PDSS2: variants seen among roughly 807,000 people sequenced by gnomAD.
PDSS2 encodes the protein all trans-polyprenyl-diphosphate synthase PDSS2.
In PDSS2, 31 loss-of-function variants were observed where a neutral mutation model predicts 44.5. The ratio of observed to expected loss-of-function variants is 0.70; its 90% CI spans 0.52 to 0.94. PDSS2 has a LOEUF of 0.94. Among genes scored for constraint, PDSS2 ranks in the 40% least tolerant of loss-of-function variants. The pLI, the probability that PDSS2 is intolerant of heterozygous loss-of-function variation, is 0.00. For synonymous variants in PDSS2, 157 were observed against 180.3 expected (o/e 0.87, Z 1.03); for missense variants, 452 against 482.2 (o/e 0.94, Z 0.59).
intron 1 of PDSS2, among the ~76,000 whole-genome samples, chr6:107,379,195 GGATA>G (rs1443075042): frequency 6.6e-6 from 1 of 152,114 alleles, no homozygotes; most frequent in Non-Finnish European, 1.5e-5. Context: ...ATGGACTCAT[GGATA>G]TTTATAGTAT....
intron 7 of PDSS2, among the ~76,000 whole-genome samples, chr6:107,191,073 A>C (rs1438867242): frequency 6.6e-6 from 1 of 152,054 alleles, no homozygotes; most frequent in East Asian, 1.9e-4. Flanking sequence ...TTGTATTTTT[A>C]GTCGAGACGG....
intron 1 of PDSS2, among the ~76,000 whole-genome samples, chr6:107,419,122 T>A (rs981925180): frequency 2.3e-4 from 35 of 151,736 alleles, no homozygotes; most frequent in Non-Finnish European, 3.4e-4. Flanking sequence ...TCAAATATCA[T>A]TTTTTTTAAC....
At chr6:107,228,655 A>G (rs1399161698) in intron 4 of PDSS2, among the ~76,000 whole-genome samples, 2 of 152,132 alleles carry the variant, frequency 1.3e-5, no homozygotes, top group Non-Finnish European at 2.9e-5. Context: ...AGATCACACC[A>G]TTGCACTCCA....
At chr6:107,236,342 C>G (rs1441210732) in intron 4 of PDSS2, among the ~76,000 whole-genome samples, 1 of 152,076 alleles carries the variant, frequency 6.6e-6, no homozygotes, top group Non-Finnish European at 1.5e-5. Flanking sequence ...GTGGCTGACA[C>G]CTGAAATCCC....
intron 4 of PDSS2, among the ~76,000 whole-genome samples, chr6:107,216,620 T>C (rs1486875120): frequency 6.6e-6 from 1 of 152,102 alleles, no homozygotes; most frequent in African/African-American, 2.4e-5. Context: ...TAAAGACATA[T>C]CATGTTCAAA....
intron 1 of PDSS2, among the ~76,000 whole-genome samples, chr6:107,371,484 A>G (rs1779127570): frequency 6.6e-6 from 1 of 152,212 alleles, no homozygotes; most frequent in Non-Finnish European, 1.5e-5. Context: ...TGCAGGTTAC[A>G]TTCTCCTGTT....
At chr6:107,370,918 C>T (rs532016078) in intron 1 of PDSS2, among the ~76,000 whole-genome samples, 2 of 152,320 alleles carry the variant, frequency 1.3e-5, no homozygotes, top group South Asian at 4.1e-4. Flanking sequence ...GGAGCAGTGG[C>T]TTACGCCTGT....
intron 2 of PDSS2, among the ~76,000 whole-genome samples, chr6:107,287,546 G>C (rs1179077915): frequency 2.6e-5 from 4 of 151,682 alleles, no homozygotes; most frequent in Non-Finnish European, 5.9e-5. Flanking sequence ...TTTTGAGATG[G>C]AGTCTTACTC....
intron 4 of PDSS2, among the ~76,000 whole-genome samples, chr6:107,236,970 G>A (rs1021909500): frequency 4.0e-5 from 6 of 150,148 alleles, no homozygotes; most frequent in African/African-American, 1.2e-4. Context: ...ACAGGGTCTC[G>A]TTCTGTTACC....
intron 1 of PDSS2, among the ~76,000 whole-genome samples, chr6:107,374,143 G>T (rs1294168015): frequency 6.6e-6 from 1 of 151,250 alleles, no homozygotes; most frequent in Non-Finnish European, 1.5e-5. Context: ...AATCCCAGCT[G>T]CTCAGGAGGC....
intron 2 of PDSS2, among the ~76,000 whole-genome samples, chr6:107,281,724 G>A (rs991087595): frequency 3.3e-5 from 5 of 152,084 alleles, no homozygotes; most frequent in African/African-American, 1.2e-4. Context: ...TCTTTCTTCT[G>A]TGCATGAAAG....
intron 6 of PDSS2, among the ~76,000 whole-genome samples, chr6:107,194,412 T>G (rs1361739949): frequency 6.6e-6 from 1 of 152,240 alleles, no homozygotes; most frequent in Non-Finnish European, 1.5e-5. Flanking sequence ...AAAGCCATGC[T>G]TCTTTTCATA....
At chr6:107,206,995 TG>T (rs1410395626) in intron 6 of PDSS2, among the ~76,000 whole-genome samples, 3 of 144,134 alleles carry the variant, frequency 2.1e-5, no homozygotes, top group East Asian at 4.9e-4. Flanking sequence ...TTGCTATTAT[TG>T]TTTTTTTTTT....
intron 1 of PDSS2, among the ~76,000 whole-genome samples, chr6:107,406,391 T>C (rs1346336286): frequency 6.6e-6 from 1 of 152,210 alleles, no homozygotes; most frequent in Non-Finnish European, 1.5e-5. Flanking sequence ...TGGTAAGGAA[T>C]TAAGTTAACT....
chr6:107,157,201 T>C (rs937434900), intron 7 of PDSS2, among the ~76,000 whole-genome samples: 2 of 152,102 alleles, frequency 1.3e-5, no homozygotes, highest in Admixed American at 1.3e-4. Context: ...TATGTATTTT[T>C]TGAGACAGAG....
At chr6:107,251,142 C>A (rs565537518) in intron 3 of PDSS2, among the ~76,000 whole-genome samples, 24 of 152,286 alleles carry the variant, frequency 1.6e-4, no homozygotes, top group African/African-American at 5.8e-4. Flanking sequence ...GCGTGAGCCA[C>A]CGCACCCGGC....
At chr6:107,207,768 C>A (rs569348604) in intron 6 of PDSS2, among the ~76,000 whole-genome samples, 97 of 151,698 alleles carry the variant, frequency 6.4e-4, no homozygotes, top group African/African-American at 2.2e-3. Flanking sequence ...GGCCACCATG[C>A]CTGGCTAACT....
intron 2 of PDSS2, among the ~76,000 whole-genome samples, chr6:107,284,248 C>T (rs1776065608): frequency 6.6e-6 from 1 of 152,008 alleles, no homozygotes; most frequent in Non-Finnish European, 1.5e-5. Flanking sequence ...TAAATATTTA[C>T]ACTTTGTCAT....
intron 1 of PDSS2, among the ~76,000 whole-genome samples, chr6:107,420,787 A>G (rs1780800385): frequency 6.6e-6 from 1 of 152,010 alleles, no homozygotes; most frequent in African/African-American, 2.4e-5. Context: ...CTAGGAAAAG[A>G]GTTCTCAGAC....
Sources: gnomAD v4.1 joint callset for allele counts (sites outside exome capture counted in the v4.1 genomes callset) on GRCh38, gnomAD v4.1.1 for gene constraint, MANE v1.5 for transcripts, NCBI Gene and HGNC (gene_info 2026-07-23, HGNC 2026-07-21) for gene names.